Variants in TSPAN5 observed in about 807,000 individuals in gnomAD.
TSPAN5 encodes tetraspanin-5.
In TSPAN5, 10 loss-of-function variants were observed where a neutral mutation model predicts 37.1. That is an observed-to-expected ratio of 0.27 (90% CI 0.17 to 0.46). TSPAN5 has a LOEUF of 0.46. Among genes scored for constraint, TSPAN5 ranks in the 20% least tolerant of loss-of-function variants. TSPAN5 has a pLI of 1.00. For synonymous variants in TSPAN5, 110 were observed against 118.9 expected (o/e 0.93, Z 0.48); for missense variants, 195 against 326.6 (o/e 0.60, Z 3.11).
chr4:98,490,680 CT>C (rs1032266981), intron 2 of TSPAN5, among the ~76,000 whole-genome samples: 1 of 152,048 alleles, frequency 6.6e-6, no homozygotes, highest in African/African-American at 2.4e-5. Context: ...TAACTCAAAT[CT>C]TTTTTTTCCT....
intron 1 of TSPAN5, among the ~76,000 whole-genome samples, chr4:98,594,256 A>G (rs1032499554): frequency 2.3e-5 from 3 of 129,116 alleles, no homozygotes; most frequent in Non-Finnish European, 3.1e-5. Context: ...TTGTTGGTGT[A>G]TAAGAATGCT....
At chr4:98,608,662 GA>G (rs545053030) in intron 1 of TSPAN5, among the ~76,000 whole-genome samples, 7 of 150,302 alleles carry the variant, frequency 4.7e-5, no homozygotes, top group Non-Finnish European at 7.4e-5. Flanking sequence ...CCAGGAAAAA[GA>G]AAAAAAAAGA....
At chr4:98,480,352 T>A (rs1484267255) in intron 4 of TSPAN5, among the ~76,000 whole-genome samples, 2 of 152,238 alleles carry the variant, frequency 1.3e-5, no homozygotes, top group African/African-American at 4.8e-5. Context: ...TGAGTTTGTT[T>A]AAAAACAAGT....
intron 1 of TSPAN5, among the ~76,000 whole-genome samples, chr4:98,531,226 T>C (rs1373002442): frequency 6.6e-6 from 1 of 151,782 alleles, no homozygotes. Flanking sequence ...CCCTACCCCC[T>C]ACCCCACGAC....
At chr4:98,560,928 T>G (rs1369058170) in intron 1 of TSPAN5, among the ~76,000 whole-genome samples, 3 of 152,224 alleles carry the variant, frequency 2.0e-5, no homozygotes, top group African/African-American at 7.2e-5. Context: ...CAGAAGGAAC[T>G]AATTAATATG....
chr4:98,538,377 C>A (rs2037832), intron 1 of TSPAN5, among the ~76,000 whole-genome samples: 1 of 152,028 alleles, frequency 6.6e-6, no homozygotes, highest in Non-Finnish European at 1.5e-5. Flanking sequence ...GAAAGCCACA[C>A]ACCAGCAGTA....
chr4:98,546,624 T>G (rs1754477631), intron 1 of TSPAN5, among the ~76,000 whole-genome samples: 1 of 152,102 alleles, frequency 6.6e-6, no homozygotes, highest in South Asian at 2.1e-4. Context: ...AGGCCACAAA[T>G]GTAGAGCAGA....
chr4:98,625,013 G>A lies in TSPAN5; in HGVS notation c.81+33133C>T, dbSNP rs373429695. Reference sequence around the variant, plus strand: ...TGTAGGATTCCAAAAGGCAAAATACGATTTGAAAGCACTGAAACATAATAA... The same window carrying A: ...TGTAGGATTCCAAAAGGCAAAATACAATTTGAAAGCACTGAAACATAATAA... On this transcript the variant is annotated intron_variant, in intron 1 of 7. Coordinates refer to ENST00000305798, the MANE Select transcript of TSPAN5 (RefSeq NM_005723.4). 5.9e-5 allele frequency among the ~76,000 whole-genome samples: 9 copies of A among 152,244 alleles called. No individual in the cohort carries two copies. The South Asian group carries it at 1.0e-3, about 18-fold the overall frequency.
At chr4:98,654,872 G>A (rs1757263735) in intron 1 of TSPAN5, among the ~76,000 whole-genome samples, 1 of 152,156 alleles carries the variant, frequency 6.6e-6, no homozygotes, top group Non-Finnish European at 1.5e-5. Context: ...TTTTGAGACG[G>A]AGTCTTGCTC....
intron 3 of TSPAN5, chr4:98,484,417 T>A (rs1239065603): frequency 2.2e-6 from 1 of 455,940 alleles, no homozygotes; most frequent in Admixed American, 2.4e-5. Context: ...CGAAGATTAT[T>A]CCAGGCAAGT....
In TSPAN5 at chr4:98,594,607, C is replaced by T. The variant is rs201088067; in HGVS notation, c.81+63539G>A. Among the ~76,000 whole-genome samples the T allele has an allele frequency of 3.9e-3, 240 of 61,238 alleles. 3 individuals carry two copies. In the East Asian group the frequency reaches 0.058, roughly 15 times the overall value. The allele number at this position is 61,238 out of a possible 152,430, so 40.2% of individuals were successfully genotyped here. On this transcript the variant is annotated intron_variant, in intron 1 of 7. Coordinates refer to ENST00000305798, the MANE Select transcript of TSPAN5 (RefSeq NM_005723.4). ...TAGATAGCTCTTATATTTTGAAATA[C>T]GTCCCATCAATACCTAATTTATTGA...
intron 1 of TSPAN5, among the ~76,000 whole-genome samples, chr4:98,607,204 C>T (rs76084914): frequency 3.3e-5 from 5 of 152,276 alleles, no homozygotes; most frequent in East Asian, 3.9e-4. Flanking sequence ...TCTTGCACTG[C>T]GATTCCCAGC....
intron 1 of TSPAN5, among the ~76,000 whole-genome samples, chr4:98,584,668 T>C (rs1171059443): frequency 2.6e-5 from 4 of 152,242 alleles, no homozygotes; most frequent in African/African-American, 9.6e-5. Context: ...ATAAAGACTC[T>C]GTGATTGCCT....
At chr4:98,496,026 A>G (rs970300565) in intron 2 of TSPAN5, among the ~76,000 whole-genome samples, 2 of 152,240 alleles carry the variant, frequency 1.3e-5, no homozygotes, top group African/African-American at 4.8e-5. Flanking sequence ...TGATTCACCA[A>G]CCCCTCCATA....
intron 1 of TSPAN5, among the ~76,000 whole-genome samples, chr4:98,616,120 G>A (rs1756329644): frequency 6.6e-6 from 1 of 151,872 alleles, no homozygotes; most frequent in African/African-American, 2.4e-5. Context: ...CCCTCACTAT[G>A]GTTTCTCAGT....
intron 1 of TSPAN5, among the ~76,000 whole-genome samples, chr4:98,540,364 T>C (rs1016157148): frequency 9.9e-5 from 15 of 151,054 alleles, no homozygotes; most frequent in African/African-American, 3.7e-4. Flanking sequence ...TGAGATGGAG[T>C]CTCACTGTTG....
At chr4:98,610,987 G>A (rs772783169) in intron 1 of TSPAN5, among the ~76,000 whole-genome samples, 4 of 152,104 alleles carry the variant, frequency 2.6e-5, no homozygotes, top group Non-Finnish European at 5.9e-5. Flanking sequence ...GATATGACTC[G>A]ATGTAATGTG....
At chr4:98,592,448 T>TTA (rs1755667937) in intron 1 of TSPAN5, among the ~76,000 whole-genome samples, 1 of 127,166 alleles carries the variant, frequency 7.9e-6, no homozygotes, top group African/African-American at 3.0e-5. Flanking sequence ...TTTTTTTTTT[T>TTA]ATTATACTCT....
At chr4:98,500,431 TC>T (rs1753318961) in intron 2 of TSPAN5, among the ~76,000 whole-genome samples, 1 of 152,098 alleles carries the variant, frequency 6.6e-6, no homozygotes, top group African/African-American at 2.4e-5. Flanking sequence ...CTCCTCTAAT[TC>T]CCCCTTCTCC....
Sources: gnomAD v4.1 joint callset for allele counts (sites outside exome capture counted in the v4.1 genomes callset) on GRCh38, gnomAD v4.1.1 for gene constraint, MANE v1.5 for transcripts, NCBI Gene and HGNC (gene_info 2026-07-23, HGNC 2026-07-21) for gene names.